LRP1B: variants seen among roughly 807,000 people sequenced by gnomAD.
The protein encoded by LRP1B is LDL receptor related protein 1B.
A neutral mutation model predicts 556.6 loss-of-function variants in LRP1B; 217 were observed. The observed-to-expected ratio is 0.39, with a 90% CI of 0.35 to 0.44. The LOEUF (loss-of-function observed/expected upper bound fraction) is 0.44, where lower values mean the gene tolerates loss of function less well. LRP1B is among the 20% of genes least tolerant of loss of function. The probability of loss-of-function intolerance (pLI) is 1.00; values close to 1 mark genes in which losing one functional copy is unlikely to be tolerated. For missense variants in LRP1B, 5,053 were observed against 5,620.8 expected (o/e 0.90, Z 3.23); for synonymous variants, 2,047 against 1,865.8 (o/e 1.10, Z -2.50).
At chr2:140,869,457 A>G (rs569364074) in intron 25 of LRP1B, among the ~76,000 whole-genome samples, 66 of 152,284 alleles carry the variant, frequency 4.3e-4, no homozygotes, top group Non-Finnish European at 6.3e-4. Context: ...CTGTCTAATC[A>G]GTATATACAC....
intron 2 of LRP1B, among the ~76,000 whole-genome samples, chr2:141,674,363 A>G (rs370448033): frequency 2.2e-4 from 33 of 152,154 alleles, no homozygotes; most frequent in East Asian, 1.7e-3. Context: ...CACCCATTGC[A>G]TATGTGACAT....
intron 2 of LRP1B, among the ~76,000 whole-genome samples, chr2:141,538,586 T>C (rs530755444): frequency 1.3e-5 from 2 of 152,180 alleles, no homozygotes; most frequent in African/African-American, 2.4e-5. Flanking sequence ...AAAGAGTGTA[T>C]TTCATCCCTT....
At chr2:141,763,564 A>C (rs1694633049) in intron 2 of LRP1B, among the ~76,000 whole-genome samples, 1 of 152,140 alleles carries the variant, frequency 6.6e-6, no homozygotes, top group Admixed American at 6.5e-5. Flanking sequence ...AGTGATGGTA[A>C]GTTTTTTGTT....
intron 66 of LRP1B, among the ~76,000 whole-genome samples, chr2:140,387,898 G>A (rs562654482): frequency 1.9e-4 from 29 of 149,714 alleles, no homozygotes; most frequent in African/African-American, 7.1e-4. Context: ...GTAAACATTA[G>A]TCTTATTTAC....
At chr2:141,013,004 G>C (rs1474741009) in intron 14 of LRP1B, among the ~76,000 whole-genome samples, 1 of 151,728 alleles carries the variant, frequency 6.6e-6, no homozygotes, top group Non-Finnish European at 1.5e-5. Flanking sequence ...ACTTATGCAA[G>C]TAAAACATAA....
At chr2:141,406,354 G>A (rs1393765902) in intron 3 of LRP1B, among the ~76,000 whole-genome samples, 1 of 152,038 alleles carries the variant, frequency 6.6e-6, no homozygotes, top group Non-Finnish European at 1.5e-5. Context: ...GAGAATGAAA[G>A]AAGGTTCTTA....
intron 1 of LRP1B, among the ~76,000 whole-genome samples, chr2:142,021,589 GC>G (rs1486227572): frequency 1.3e-5 from 2 of 152,014 alleles, no homozygotes; most frequent in African/African-American, 4.8e-5. Context: ...TTCAAGGAAA[GC>G]TTTTATATAT....
Position 140,874,798 on chromosome 2 carries a change from C to G in LRP1B, c.4170-6535G>C, listed in dbSNP as rs368428487. 6.3e-4 allele frequency among the ~76,000 whole-genome samples: 96 copies of G among 151,648 alleles called. 2 individuals are homozygous for G. The highest frequency in any genetic ancestry group is 2.1e-3 in the African/African-American group (87 of 41,328). On this transcript the variant is annotated intron_variant, in intron 25 of 90. Coordinates refer to ENST00000389484, the MANE Select transcript of LRP1B (RefSeq NM_018557.3). The stretch of plus-strand genomic sequence containing the variant: ...CTTTGGGAGGCTGAGGTGGATGGAT[C>G]AACTGAGGTCAGGAGTTCAAGGCCA...
chr2:140,755,014 A>AT (rs1018404769), intron 35 of LRP1B, among the ~76,000 whole-genome samples: 1 of 132,154 alleles, frequency 7.6e-6, no homozygotes, highest in African/African-American at 2.9e-5. Context: ...AGATACAGAA[A>AT]TAAAAAAAGA....
At chr2:140,789,379 T>A (rs978656650) in intron 32 of LRP1B, among the ~76,000 whole-genome samples, 6 of 152,136 alleles carry the variant, frequency 3.9e-5, no homozygotes, top group Admixed American at 1.3e-4. Context: ...ACTCCTAAAG[T>A]TCTCCCCAAC....
intron 4 of LRP1B, among the ~76,000 whole-genome samples, chr2:141,249,501 G>T (rs1407093503): frequency 6.6e-6 from 1 of 152,158 alleles, no homozygotes; most frequent in African/African-American, 2.4e-5. Context: ...GGCAGCTGAG[G>T]CATGAGAATT....
chr2:140,799,696 A>G (rs1463454923), intron 32 of LRP1B, among the ~76,000 whole-genome samples: 2 of 152,238 alleles, frequency 1.3e-5, no homozygotes, highest in Non-Finnish European at 2.9e-5. Context: ...AACTTAGTAT[A>G]TCTATAGGAC....
At chr2:141,128,516 C>A (rs111535006) in intron 7 of LRP1B, among the ~76,000 whole-genome samples, 66 of 152,328 alleles carry the variant, frequency 4.3e-4, no homozygotes, top group African/African-American at 1.4e-3. Context: ...TTCTCCCTTA[C>A]TGTTCTTCCA....
intron 41 of LRP1B, among the ~76,000 whole-genome samples, chr2:140,664,579 A>T (rs1487262304): frequency 6.6e-6 from 1 of 152,186 alleles, no homozygotes; most frequent in Non-Finnish European, 1.5e-5. Flanking sequence ...TTAAAAATGC[A>T]AAACACTAAA....
chr2:140,749,853 A>G (rs1688509517), intron 35 of LRP1B, among the ~76,000 whole-genome samples: 1 of 152,226 alleles, frequency 6.6e-6, no homozygotes. Flanking sequence ...ACATAATTTT[A>G]TGTGCTATAC....
At chr2:141,202,253 G>GT (rs373304619) in intron 6 of LRP1B, among the ~76,000 whole-genome samples, 1 of 150,656 alleles carries the variant, frequency 6.6e-6, no homozygotes, top group Non-Finnish European at 1.5e-5. Context: ...TTTTTGTTTT[G>GT]TTTTTGTGGC....
chr2:141,345,466 T>C (rs767796669), intron 3 of LRP1B, among the ~76,000 whole-genome samples: 5 of 151,946 alleles, frequency 3.3e-5, no homozygotes, highest in Non-Finnish European at 5.9e-5. Context: ...AACAACCTTT[T>C]CTTCTCCTTC....
intron 35 of LRP1B, among the ~76,000 whole-genome samples, chr2:140,725,782 C>A (rs574592216): frequency 6.6e-6 from 1 of 152,090 alleles, no homozygotes; most frequent in East Asian, 1.9e-4. Flanking sequence ...CATGTCATGT[C>A]CCAGCCTCAC....
At chr2:141,946,728 T>C (rs970448759) in intron 1 of LRP1B, among the ~76,000 whole-genome samples, 2 of 152,206 alleles carry the variant, frequency 1.3e-5, no homozygotes, top group Non-Finnish European at 2.9e-5. Flanking sequence ...ATGATTTAGA[T>C]AGTCTGTGAA....
Sources: allele counts gnomAD v4.1 joint callset (sites outside exome capture counted in the v4.1 genomes callset), GRCh38; gene constraint gnomAD v4.1.1; transcripts MANE v1.5; gene names NCBI Gene and HGNC (gene_info 2026-07-23, HGNC 2026-07-21).